The following GSTO1 variants were observed in gnomAD, a reference collection of about 807,000 sequenced individuals.
GSTO1 encodes the protein glutathione S-transferase omega 1.
GSTO1 carries 27 observed loss-of-function variants against 23.8 expected under a neutral mutation model. That is an observed-to-expected ratio of 1.13 (90% CI 0.83 to 1.56). The LOEUF (loss-of-function observed/expected upper bound fraction) is 1.56, where lower values mean the gene tolerates loss of function less well. GSTO1 is among the 40% of genes most tolerant of loss of function. GSTO1 has a pLI of 0.00. For missense variants in GSTO1, 255 were observed against 285.8 expected, an observed-to-expected ratio of 0.89 and a Z score of 0.78; for synonymous variants, 105 against 109.3, an observed-to-expected ratio of 0.96 and a Z score of 0.25.
intron 3 of GSTO1, among the ~76,000 whole-genome samples, chr10:104,262,500 C>G (rs1418351160): frequency 6.6e-6 from 1 of 152,172 alleles, no homozygotes; most frequent in Non-Finnish European, 1.5e-5. Flanking sequence ...CACCTGAGGT[C>G]AGGAGTTTTC....
intron 3 of GSTO1, 21 bp from the exon 4 acceptor site, chr10:104,262,958 A>T: frequency 9.3e-7 from 1 of 1,079,070 alleles, no homozygotes; most frequent in Non-Finnish European, 1.4e-6. Flanking sequence ...CTGATAAACT[A>T]AGAAATTATT....
In GSTO1 at chr10:104,254,934, CG is replaced by C; in HGVS notation, c.10del (p.Glu4SerfsTer26). ...TCGGCCTGCGCTGCGCCACGATGTC[CG>C]GGGAGTCAGCCAGGAGCTTGGGGAA... MSGESARSLGKGS... is the reference protein window; with the variant it reads MSXESARSLGKGS... On this transcript the variant is annotated frameshift_variant, in exon 1 of 6. Coordinates refer to ENST00000369713, the MANE Select transcript of GSTO1 (RefSeq NM_004832.3). LOFTEE classifies it high-confidence loss of function. 6.2e-7 allele frequency: 1 copy of C among 1,611,392 alleles called. No individual in the cohort carries two copies. The highest frequency in any genetic ancestry group is 1.1e-5 in the South Asian group (1 of 90,498).
At chr10:104,259,249 C>G (rs2011116230) in intron 2 of GSTO1, among the ~76,000 whole-genome samples, 1 of 152,190 alleles carries the variant, frequency 6.6e-6, no homozygotes, top group Admixed American at 6.5e-5. Flanking sequence ...TGTCCATCAG[C>G]AGATGAATGG....
In GSTO1 at chr10:104,267,245, C is replaced by T. The variant is rs1278471841; in HGVS notation, c.573-7C>T. ...CTCACACCTTTCATTTTTTCCTCTT[C>T]CCACAGGTGTGTAGACCACACTCCA... is the stretch of plus-strand genomic sequence containing the variant. On this transcript the variant is annotated splice_polypyrimidine_tract_variant and splice_region_variant and intron_variant, in intron 5 of 5. Transcript: ENST00000369713. 1.9e-6 allele frequency: 3 copies of T among 1,601,444 alleles called. No homozygotes were observed. Among genetic ancestry groups the T allele is most frequent in the Non-Finnish European group, 8.5e-7 (1 of 1,173,358 alleles).
chr10:104,257,043 C>T (rs597366), intron 2 of GSTO1, among the ~76,000 whole-genome samples: 1,920 of 152,178 alleles, frequency 0.013, 29 homozygotes, highest in African/African-American at 0.044. Flanking sequence ...AAATGCTGTT[C>T]TAGCTACAGC....
intron 5 of GSTO1, among the ~76,000 whole-genome samples, chr10:104,266,398 C>T (rs2011184023): frequency 2.0e-5 from 3 of 152,198 alleles, no homozygotes. Flanking sequence ...ATTTCTGAGA[C>T]ATGTAGTAAA....
chr10:104,259,858 G>T, intron 3 of GSTO1, 60 bp downstream of exon 3: 1 of 1,069,298 alleles, frequency 9.4e-7, no homozygotes, highest in Non-Finnish European at 1.4e-6. Context: ...AGCGAAATCA[G>T]TGCTGCCATT....
In GSTO1 at chr10:104,259,683, A is replaced by G; in HGVS notation, c.251A>G (p.Tyr84Cys). Residue 84 changes from tyrosine to cysteine, a missense_variant, in exon 3 of 6, where the codon TAC (tyrosine) becomes TGC (cysteine). By Grantham distance (194) the Tyr-to-Cys change is radical (BLOSUM62 -2). Transcript: ENST00000369713. ...VLENSQGQLI[Y>C]ESAITCEYLD... is the part of the protein sequence containing the mutation. ...GAAAACAGTCAGGGTCAGCTGATCT[A>G]CGAGTCTGCCATCACCTGTGAGTAC... The G allele has an allele frequency of 6.2e-7, 1 of 1,612,904 alleles. No individual in the cohort carries two copies.
chr10:104,259,988 C>A (rs146659054), intron 3 of GSTO1, among the ~76,000 whole-genome samples, 190 bp downstream of exon 3: 2 of 152,208 alleles, frequency 1.3e-5, no homozygotes, highest in Non-Finnish European at 2.9e-5. Flanking sequence ...CCTTTTCACT[C>A]GTCTCCTGAC....
chr10:104,255,052 C>G (rs2091595286), intron 1 of GSTO1, 90 bp downstream of exon 1: 1 of 1,460,082 alleles, frequency 6.8e-7, no homozygotes, highest in African/African-American at 1.4e-5. Context: ...CGCCCGGGAG[C>G]GCCCCACCGG....
intron 1 of GSTO1, 47 bp downstream of exon 1, chr10:104,255,009 GC>G: frequency 1.2e-6 from 1 of 836,486 alleles, no homozygotes; most frequent in Non-Finnish European, 1.8e-6. Flanking sequence ...GCGACCCCCG[GC>G]GGCATGTTCG....
rs747444602 is a variant in GSTO1, at chr10:104,259,684, C to A, written c.252C>A (p.Tyr84Ter). 1 of 1,612,440 alleles carries A rather than the reference C, an allele frequency of 6.2e-7. No homozygotes were observed. Among genetic ancestry groups the A allele is most frequent in the Non-Finnish European group, 8.5e-7 (1 of 1,178,514 alleles). The change falls in exon 3 of 6, where the codon TAC becomes TAA. Residue 84 changes from tyrosine (Y) to a stop codon, truncating the protein, a stop_gained. Coordinates refer to ENST00000369713, the MANE Select transcript of GSTO1 (RefSeq NM_004832.3). LOFTEE classifies it high-confidence loss of function. Reference protein sequence around the residue: ...VLENSQGQLIYESAITCEYLD... With the variant: ...VLENSQGQLI ...AAAACAGTCAGGGTCAGCTGATCTA[C>A]GAGTCTGCCATCACCTGTGAGTACC...
At chr10:104,254,748 A>G (rs1467525457), upstream of GSTO1, 1 of 655,662 alleles carries the variant, frequency 1.5e-6, no homozygotes, top group Non-Finnish European at 2.7e-6. Flanking sequence ...GCCCCTTAAG[A>G]TGTTTTAAGG....
Position 104,259,601 on chromosome 10 carries a change from A to G in GSTO1, c.169A>G (p.Lys57Glu), listed in dbSNP as rs1019133448. ...IRHEVININLKNKPEWFFKKN... is the reference protein window; with the variant it reads ...IRHEVININLENKPEWFFKKN... ...GCATGAAGTCATCAATATCAACCTGAAAAATAAGCCTGAGTGGTTCTTTAA... is the reference window on the plus strand; with the variant it reads ...GCATGAAGTCATCAATATCAACCTGGAAAATAAGCCTGAGTGGTTCTTTAA... Residue 57 changes from lysine (K) to glutamate (E), a missense_variant, in exon 3 of 6, where the codon AAA becomes GAA. Transcript: ENST00000369713. 2.5e-6 allele frequency: 4 copies of G among 1,611,842 alleles called. No individual in the cohort carries two copies. Among genetic ancestry groups the G allele is most frequent in the Non-Finnish European group, 2.5e-6 (3 of 1,178,134 alleles).
At chr10:104,267,194 CTG>C in intron 5 of GSTO1, 56 bp from the exon 6 acceptor site, 1 of 1,144,336 alleles carries the variant, frequency 8.7e-7, no homozygotes, top group Non-Finnish European at 1.3e-6. Flanking sequence ...ATGGGAGACT[CTG>C]TGATGTCATC....
chr10:104,256,715 G>A (rs77103869), intron 2 of GSTO1, among the ~76,000 whole-genome samples: 2 of 152,198 alleles, frequency 1.3e-5, no homozygotes, highest in Non-Finnish European at 2.9e-5. Flanking sequence ...GCTGTGGCAG[G>A]TGTGTAGACT....
chr10:104,259,960 T>C (rs1397629792), intron 3 of GSTO1, among the ~76,000 whole-genome samples, 162 bp downstream of exon 3: 1 of 152,194 alleles, frequency 6.6e-6, no homozygotes, highest in African/African-American at 2.4e-5. Flanking sequence ...CCAGTTCCTG[T>C]TTACCTCCAA....
chr10:104,259,864 C>A, intron 3 of GSTO1, 66 bp downstream of exon 3: 2 of 1,000,452 alleles, frequency 2.0e-6, no homozygotes, highest in Non-Finnish European at 3.2e-6. Context: ...ATCAGTGCTG[C>A]CATTTATGGT....
At chr10:104,256,748 A>G (rs1445503105) in intron 2 of GSTO1, among the ~76,000 whole-genome samples, 1 of 152,132 alleles carries the variant, frequency 6.6e-6, no homozygotes, top group Non-Finnish European at 1.5e-5. Flanking sequence ...ATGCCAGCTT[A>G]CCAAAATTCA....
Sources: gnomAD v4.1 joint callset for allele counts (sites outside exome capture counted in the v4.1 genomes callset) on GRCh38, gnomAD v4.1.1 for gene constraint, MANE v1.5 for transcripts, NCBI Gene and HGNC (gene_info 2026-07-23, HGNC 2026-07-21) for gene names.